PCDH15: variants seen among roughly 807,000 people sequenced by gnomAD.
PCDH15 encodes the protein protocadherin-15.
In PCDH15, 129 loss-of-function variants were observed where a neutral mutation model predicts 178.5. That is an observed-to-expected ratio of 0.72 (90% confidence interval 0.63 to 0.84). The LOEUF (loss-of-function observed/expected upper bound fraction) is 0.84, where lower values mean the gene tolerates loss of function less well. Among genes scored for constraint, PCDH15 ranks in the 40% least tolerant of loss-of-function variants. PCDH15 has a pLI of 0.00. For missense variants in PCDH15, 2,230 were observed against 2,099.9 expected, an observed-to-expected ratio of 1.06 and a Z score of -1.21; for synonymous variants, 800 against 732.0, an observed-to-expected ratio of 1.09 and a Z score of -1.50.
At chr10:54,207,977 T>C (rs932646848) in intron 10 of PCDH15, among the ~76,000 whole-genome samples, 32 of 152,080 alleles carry the variant, frequency 2.1e-4, no homozygotes, top group Non-Finnish European at 8.8e-5. Flanking sequence ...AAATTCTTCT[T>C]GGCCCTCCAT....
intron 2 of PCDH15, among the ~76,000 whole-genome samples, chr10:55,331,606 C>T (rs1256338001): frequency 6.6e-6 from 1 of 151,916 alleles, no homozygotes; most frequent in Non-Finnish European, 1.5e-5. Flanking sequence ...ACAAGGATAT[C>T]CTTTGATATA....
chr10:55,429,831 A>T (rs1398920513), intron 2 of PCDH15, among the ~76,000 whole-genome samples: 3 of 152,192 alleles, frequency 2.0e-5, no homozygotes, highest in Non-Finnish European at 4.4e-5. Context: ...GTAATCATTT[A>T]TAATAAATTA....
intron 3 of PCDH15, among the ~76,000 whole-genome samples, chr10:54,470,026 G>C (rs752941485): frequency 2.6e-5 from 4 of 152,138 alleles, no homozygotes; most frequent in Non-Finnish European, 2.9e-5. Context: ...TGTGCACTCA[G>C]GAGGGTAGAG....
intron 2 of PCDH15, among the ~76,000 whole-genome samples, chr10:54,629,780 A>C (rs1177828624): frequency 6.6e-6 from 1 of 152,134 alleles, no homozygotes; most frequent in Admixed American, 6.6e-5. Flanking sequence ...GCATCTAAAT[A>C]GGAAAAAAGG....
intron 10 of PCDH15, among the ~76,000 whole-genome samples, chr10:54,207,571 T>C (rs752767873): frequency 6.6e-6 from 1 of 152,054 alleles, no homozygotes; most frequent in Non-Finnish European, 1.5e-5. Context: ...TCTCAGTATG[T>C]TATCTGAGTC....
intron 1 of PCDH15, among the ~76,000 whole-genome samples, chr10:55,303,931 G>A (rs1357289822): frequency 1.3e-5 from 2 of 152,020 alleles, no homozygotes; most frequent in Admixed American, 6.6e-5. Context: ...CTGTTGCATA[G>A]CATTAATTTT....
chr10:53,968,051 G>A (rs974199536), intron 21 of PCDH15, among the ~76,000 whole-genome samples: 2 of 152,098 alleles, frequency 1.3e-5, no homozygotes, highest in Non-Finnish European at 2.9e-5. Context: ...AGCAGGGTGG[G>A]GCATTGCCTC....
chr10:54,819,727 A>T (rs185866046), intron 3 of PCDH15, among the ~76,000 whole-genome samples: 31 of 152,130 alleles, frequency 2.0e-4, no homozygotes, highest in South Asian at 1.2e-3. Flanking sequence ...CATTACTCCA[A>T]AGACTGGGAA....
chr10:54,432,804 A>G (rs1957114004), intron 3 of PCDH15, among the ~76,000 whole-genome samples: 1 of 152,092 alleles, frequency 6.6e-6, no homozygotes, highest in African/African-American at 2.4e-5. Context: ...ACAGAATGAT[A>G]GAAAATATTT....
intron 8 of PCDH15, among the ~76,000 whole-genome samples, chr10:54,255,189 C>T (rs186668477): frequency 1.3e-5 from 2 of 152,182 alleles, no homozygotes; most frequent in Non-Finnish European, 2.9e-5. Context: ...CCTTTTAACC[C>T]TTTCTGATAA....
At chr10:54,341,909 G>A (rs1430037362) in intron 6 of PCDH15, among the ~76,000 whole-genome samples, 1 of 152,172 alleles carries the variant, frequency 6.6e-6, no homozygotes, top group East Asian at 1.9e-4. Context: ...TAGGGTATCT[G>A]GCAGGAGAAA....
intron 2 of PCDH15, among the ~76,000 whole-genome samples, chr10:54,979,680 A>C (rs928379780): frequency 9.9e-5 from 15 of 151,784 alleles, no homozygotes; most frequent in Non-Finnish European, 1.8e-4. Context: ...AAAAAAAAAA[A>C]AAAAAACCAG....
chr10:55,492,253 C>T (rs1351348602), intron 2 of PCDH15, among the ~76,000 whole-genome samples: 3 of 151,682 alleles, frequency 2.0e-5, no homozygotes, highest in Non-Finnish European at 2.9e-5. Flanking sequence ...AATTATCTCT[C>T]AGAGCTGTAA....
intron 2 of PCDH15, among the ~76,000 whole-genome samples, chr10:55,025,809 A>T (rs1816982631): frequency 6.6e-6 from 1 of 152,086 alleles, no homozygotes; most frequent in African/African-American, 2.4e-5. Flanking sequence ...TTTAGTATAT[A>T]TTAAATGCTT....
At chr10:54,599,928 TA>T in intron 2 of PCDH15, 1 of 836,162 alleles carries the variant, frequency 1.2e-6, no homozygotes, top group African/African-American at 1.7e-5. Flanking sequence ...AAGTGGCCAC[TA>T]AGGAGGAGTT....
At chr10:54,833,738 T>C (rs900398004) in intron 3 of PCDH15, among the ~76,000 whole-genome samples, 1 of 152,170 alleles carries the variant, frequency 6.6e-6, no homozygotes, top group Non-Finnish European at 1.5e-5. Flanking sequence ...TGGAGAAACT[T>C]GGATAATACA....
chr10:55,188,355 C>T (rs1305197649), intron 1 of PCDH15, among the ~76,000 whole-genome samples: 1 of 151,744 alleles, frequency 6.6e-6, no homozygotes, highest in African/African-American at 2.4e-5. Context: ...AAAAGAGTCA[C>T]TCTATTTCTT....
chr10:54,444,828 C>G (rs568584933), intron 3 of PCDH15, among the ~76,000 whole-genome samples: 2 of 151,706 alleles, frequency 1.3e-5, no homozygotes, highest in East Asian at 3.9e-4. Flanking sequence ...TTTTCCTAAA[C>G]TCTGGCAGCA....
intron 20 of PCDH15, among the ~76,000 whole-genome samples, chr10:54,011,322 C>T (rs2092578198): frequency 6.6e-6 from 1 of 152,174 alleles, no homozygotes; most frequent in Admixed American, 6.5e-5. Context: ...ACAATGCAGC[C>T]ACCACACCCC....
Sources: allele counts gnomAD v4.1 joint callset (sites outside exome capture counted in the v4.1 genomes callset), GRCh38; gene constraint gnomAD v4.1.1; transcripts MANE v1.5; gene names NCBI Gene and HGNC (gene_info 2026-07-23, HGNC 2026-07-21).